Variants in PRIM2 observed in about 807,000 individuals in gnomAD.
The protein encoded by PRIM2 is DNA primase subunit 2.
PRIM2 carries 39 observed loss-of-function variants against 67.3 expected under a neutral mutation model. The observed-to-expected ratio is 0.58, with a 90% confidence interval of 0.45 to 0.76. The LOEUF (loss-of-function observed/expected upper bound fraction) is 0.76, where lower values mean the gene tolerates loss of function less well. Ranked by LOEUF, PRIM2 falls within the 30% of genes least tolerant of loss-of-function variation. The pLI, the probability that PRIM2 is intolerant of heterozygous loss-of-function variation, is 0.00. For missense variants in PRIM2, 398 were observed against 598.7 expected, an observed-to-expected ratio of 0.66 and a Z score of 3.50; for synonymous variants, 143 against 198.7, an observed-to-expected ratio of 0.72 and a Z score of 2.36.
At chr6:57,288,365 G>A in the PRIM2 span, among the ~76,000 whole-genome samples, 1 of 152,142 alleles carries the variant, frequency 6.6e-6, no homozygotes, top group African/African-American at 2.4e-5. Context: ...CTGTGGGCAG[G>A]GCATATCAGA....
the PRIM2 span, among the ~76,000 whole-genome samples, chr6:57,306,078 C>G: frequency 6.6e-6 from 1 of 152,128 alleles, no homozygotes; most frequent in African/African-American, 2.4e-5. Flanking sequence ...TCCTCTATAT[C>G]CATAGATAGC....
chr6:57,335,873 A>G (rs1046208250), intron 5 of PRIM2, among the ~76,000 whole-genome samples: 3 of 152,346 alleles, frequency 2.0e-5, no homozygotes, highest in African/African-American at 7.2e-5. Context: ...GACTTTGACG[A>G]GCTGAGAGAA....
chr6:57,357,003 A>G (rs1291350624), intron 5 of PRIM2, among the ~76,000 whole-genome samples: 1 of 141,838 alleles, frequency 7.1e-6, no homozygotes, highest in Non-Finnish European at 1.5e-5. Flanking sequence ...GTGCAATCTC[A>G]GCTCACTGCA....
intron 10 of PRIM2, among the ~76,000 whole-genome samples, chr6:57,551,991 AAG>A (rs1775413955): frequency 6.6e-6 from 1 of 152,194 alleles, no homozygotes; most frequent in Non-Finnish European, 1.5e-5. Context: ...ACTCGAGGCA[AAG>A]AGAACTGTCC....
chr6:57,340,659 G>A (rs574401955), intron 5 of PRIM2, among the ~76,000 whole-genome samples: 2 of 152,030 alleles, frequency 1.3e-5, no homozygotes, highest in East Asian at 1.9e-4. Flanking sequence ...TGAACAATGA[G>A]AACACATGGA....
At chr6:57,480,455 T>C (rs1462104043) in intron 7 of PRIM2, among the ~76,000 whole-genome samples, 3 of 152,176 alleles carry the variant, frequency 2.0e-5, no homozygotes, top group Non-Finnish European at 4.4e-5. Flanking sequence ...TATTTAGTCT[T>C]CATCAGTTTC....
intron 7 of PRIM2, among the ~76,000 whole-genome samples, chr6:57,410,866 G>A (rs1477210359): frequency 6.6e-6 from 1 of 150,528 alleles, no homozygotes; most frequent in Non-Finnish European, 1.5e-5. Context: ...ATTACCTATT[G>A]GTTTTTCATA....
chr6:57,482,411 T>C (rs1473078881), intron 7 of PRIM2, among the ~76,000 whole-genome samples: 6 of 152,196 alleles, frequency 3.9e-5, no homozygotes, highest in African/African-American at 1.4e-4. Flanking sequence ...GAAAACCTGG[T>C]TGGGGGGACC....
At chr6:57,559,143 A>G (rs1321502009) in intron 10 of PRIM2, among the ~76,000 whole-genome samples, 5 of 152,108 alleles carry the variant, frequency 3.3e-5, no homozygotes, top group East Asian at 1.9e-4. Flanking sequence ...AAGAAAAAAA[A>G]AAAAAAAGTT....
intron 7 of PRIM2, among the ~76,000 whole-genome samples, chr6:57,444,081 G>A (rs555198516): frequency 1.3e-5 from 2 of 152,240 alleles, no homozygotes; most frequent in South Asian, 4.1e-4. Flanking sequence ...CTGCACTTGT[G>A]CAGGTTTATT....
intron 7 of PRIM2, among the ~76,000 whole-genome samples, chr6:57,428,190 A>G (rs1198289152): frequency 5.0e-4 from 76 of 152,176 alleles, no homozygotes; most frequent in African/African-American, 1.7e-3. Flanking sequence ...ATTTATACAT[A>G]CAAGAAATGT....
At chr6:57,525,661 C>G (rs1774735364) in intron 8 of PRIM2, among the ~76,000 whole-genome samples, 1 of 152,228 alleles carries the variant, frequency 6.6e-6, no homozygotes, top group African/African-American at 2.4e-5. Flanking sequence ...TAAAGCATAA[C>G]TCTCTCTATT....
At chr6:57,385,958 C>T (rs1770132962) in intron 7 of PRIM2, among the ~76,000 whole-genome samples, 1 of 149,646 alleles carries the variant, frequency 6.7e-6, no homozygotes, top group South Asian at 2.1e-4. Flanking sequence ...TTGGTTATCA[C>T]AAATACTGCT....
intron 5 of PRIM2, among the ~76,000 whole-genome samples, chr6:57,365,988 A>G (rs1769345365): frequency 6.6e-6 from 1 of 150,950 alleles, no homozygotes; most frequent in African/African-American, 2.4e-5. Flanking sequence ...CTGGGAATAT[A>G]ATCGTTATGA....
chr6:57,495,718 C>A (rs1275069210), intron 7 of PRIM2, among the ~76,000 whole-genome samples: 1 of 152,164 alleles, frequency 6.6e-6, no homozygotes, highest in African/African-American at 2.4e-5. Flanking sequence ...ACCTCCTACA[C>A]TCCACTCCCC....
intron 7 of PRIM2, among the ~76,000 whole-genome samples, chr6:57,467,117 A>AG (rs1773220275): frequency 6.7e-6 from 1 of 149,824 alleles, no homozygotes; most frequent in African/African-American, 2.5e-5. Flanking sequence ...AAAAAAAAAA[A>AG]AAAGAAAAGA....
chr6:57,290,456 G>A, the PRIM2 span, among the ~76,000 whole-genome samples: 1 of 152,092 alleles, frequency 6.6e-6, no homozygotes, highest in South Asian at 2.1e-4. Context: ...TGAGACAGAA[G>A]GTTAGCAAGG....
chr6:57,507,976 G>A (rs1554347353), intron 8 of PRIM2, among the ~76,000 whole-genome samples: 6 of 151,798 alleles, frequency 4.0e-5, no homozygotes, highest in Non-Finnish European at 5.9e-5. Context: ...TTGCTCTGTC[G>A]CCCAGGCTAG....
At chr6:57,456,606 G>A (rs1314082298) in intron 7 of PRIM2, among the ~76,000 whole-genome samples, 9,970 of 152,068 alleles carry the variant, frequency 0.066, 677 homozygotes, top group African/African-American at 0.17. Flanking sequence ...CATTCGTCAC[G>A]TAGTTCTCGT....
Sources: gnomAD v4.1 joint callset for allele counts (sites outside exome capture counted in the v4.1 genomes callset) on GRCh38, gnomAD v4.1.1 for gene constraint, MANE v1.5 for transcripts, NCBI Gene and HGNC (gene_info 2026-07-23, HGNC 2026-07-21) for gene names.